The following EPN2 variants were observed in gnomAD, a reference collection of about 807,000 sequenced individuals.
EPN2 encodes the protein epsin-2.
A neutral mutation model predicts 61.7 loss-of-function variants in EPN2; 34 were observed. That is an observed-to-expected ratio of 0.55 (90% CI 0.42 to 0.73). The LOEUF (loss-of-function observed/expected upper bound fraction) is 0.73. Ranked by LOEUF, EPN2 falls within the 30% of genes least tolerant of loss-of-function variation. The pLI is 0.00. For synonymous variants in EPN2, 349 were observed against 353.6 expected, an observed-to-expected ratio of 0.99 and a Z score of 0.15; for missense variants, 714 against 839.2, an observed-to-expected ratio of 0.85 and a Z score of 1.84.
intron 1 of EPN2, among the ~76,000 whole-genome samples, chr17:19,261,989 A>C (rs2045146106): frequency 6.6e-6 from 1 of 152,144 alleles, no homozygotes; most frequent in Non-Finnish European, 1.5e-5. Flanking sequence ...GGAGTTCGAG[A>C]CCAGCCTGGC....
In EPN2 at chr17:19,331,985, C is replaced by T; in HGVS notation, c.1544C>T (p.Pro515Leu). Residue 515 changes from proline (P) to leucine (L), a missense_variant, in exon 10 of 11, where the codon CCC (proline) becomes CTC (leucine). Coordinates refer to ENST00000314728, the MANE Select transcript of EPN2 (RefSeq NM_014964.5). ...AAAACACCTGAGTCCTTCCTGGGCCCCAACGCGGCCCTGGTGAACCTGGAC... is the reference window on the plus strand; with the variant it reads ...AAAACACCTGAGTCCTTCCTGGGCCTCAACGCGGCCCTGGTGAACCTGGAC... ...ARKTPESFLG[P>L]NAALVNLDSL... 6.2e-7 allele frequency: 1 copy of T among 1,614,052 alleles called. No individual in the cohort carries two copies. The highest frequency in any genetic ancestry group is 2.2e-5 in the East Asian group (1 of 44,884).
chr17:19,294,045 G>A (rs2152222674), intron 4 of EPN2, among the ~76,000 whole-genome samples: 1 of 151,238 alleles, frequency 6.6e-6, no homozygotes, highest in African/African-American at 2.4e-5. Context: ...AGCTGAGATC[G>A]CACCACTGTA....
intron 4 of EPN2, among the ~76,000 whole-genome samples, chr17:19,300,137 C>G (rs934783047): frequency 1.3e-5 from 2 of 152,146 alleles, no homozygotes; most frequent in African/African-American, 2.4e-5. Flanking sequence ...AAATCTACCC[C>G]CAATGTCCGG....
At chr17:19,329,056 G>C in intron 8 of EPN2, 169 bp downstream of exon 8, 1 of 596,864 alleles carries the variant, frequency 1.7e-6, no homozygotes, top group East Asian at 2.9e-5. Flanking sequence ...CAGTGTGAGA[G>C]TGAGTGAGTG....
intron 1 of EPN2, among the ~76,000 whole-genome samples, chr17:19,251,508 A>G (rs890638647): frequency 2.6e-5 from 4 of 151,922 alleles, no homozygotes; most frequent in African/African-American, 9.7e-5. Flanking sequence ...ATCTCAGCTC[A>G]CTGCAACCTC....
chr17:19,267,624 C>T (rs2045213515), intron 1 of EPN2, among the ~76,000 whole-genome samples: 1 of 151,692 alleles, frequency 6.6e-6, no homozygotes, highest in Non-Finnish European at 1.5e-5. Flanking sequence ...CTCACTGCAA[C>T]CTCTGCCTCC....
intron 4 of EPN2, among the ~76,000 whole-genome samples, chr17:19,290,861 G>A (rs1331799836): frequency 1.3e-5 from 2 of 152,182 alleles, no homozygotes; most frequent in African/African-American, 4.8e-5. Flanking sequence ...GCCTGCAGCC[G>A]GGTCTTCTTG....
At chr17:19,264,466 A>G (rs1460468412) in intron 1 of EPN2, among the ~76,000 whole-genome samples, 5 of 152,116 alleles carry the variant, frequency 3.3e-5, no homozygotes, top group Admixed American at 6.5e-5. Flanking sequence ...GTGCAGCCTT[A>G]TTTCCTACAG....
chr17:19,329,125 G>A, intron 8 of EPN2: 2 of 494,932 alleles, frequency 4.0e-6, no homozygotes, highest in East Asian at 6.7e-5. Context: ...CTTCCACCTG[G>A]GTGTTGAGAG....
At chr17:19,248,218 C>T (rs1018689168) in intron 1 of EPN2, among the ~76,000 whole-genome samples, 2 of 152,140 alleles carry the variant, frequency 1.3e-5, no homozygotes, top group African/African-American at 4.8e-5. Flanking sequence ...TGGAGAGGAA[C>T]TGGCAGAAAT....
chr17:19,295,352 A>ACG (rs2045505273), intron 4 of EPN2, among the ~76,000 whole-genome samples: 1 of 59,968 alleles, frequency 1.7e-5, no homozygotes, highest in African/African-American at 3.7e-5. Flanking sequence ...ACACACACAC[A>ACG]CACACACACA....
intron 1 of EPN2, among the ~76,000 whole-genome samples, chr17:19,253,186 C>G (rs945132945): frequency 2.6e-5 from 4 of 152,110 alleles, no homozygotes; most frequent in African/African-American, 9.7e-5. Flanking sequence ...ATGGGGTTTG[C>G]CTATTCTGGA....
chr17:19,253,181 G>T (rs535777392), intron 1 of EPN2, among the ~76,000 whole-genome samples: 30 of 152,186 alleles, frequency 2.0e-4, no homozygotes, highest in Admixed American at 3.9e-4. Context: ...TCTCTATGGG[G>T]TTTGCCTATT....
chr17:19,317,853 C>T (rs1906461443), intron 7 of EPN2, among the ~76,000 whole-genome samples: 1 of 152,126 alleles, frequency 6.6e-6, no homozygotes, highest in Non-Finnish European at 1.5e-5. Context: ...GCAGGCGTTC[C>T]CTGAGGGTAC....
chr17:19,306,577 G>A (rs1316085967), intron 4 of EPN2, among the ~76,000 whole-genome samples: 2 of 152,216 alleles, frequency 1.3e-5, no homozygotes, highest in Admixed American at 1.3e-4. Context: ...TATGGTAGAC[G>A]TAAACATGTA....
chr17:19,333,452 A>G (rs1203784422), intron 10 of EPN2, among the ~76,000 whole-genome samples: 2 of 152,142 alleles, frequency 1.3e-5, no homozygotes, highest in Non-Finnish European at 2.9e-5. Flanking sequence ...TTCTGGTATG[A>G]GGTAAATTCT....
intron 4 of EPN2, among the ~76,000 whole-genome samples, chr17:19,289,416 G>A (rs1053005391): frequency 4.6e-5 from 7 of 152,028 alleles, no homozygotes; most frequent in East Asian, 1.9e-4. Context: ...TGACCTGACA[G>A]ACCTTGCTAG....
At chr17:19,250,846 A>T (rs1265431651) in intron 1 of EPN2, among the ~76,000 whole-genome samples, 2 of 135,048 alleles carry the variant, frequency 1.5e-5, no homozygotes, top group Non-Finnish European at 3.2e-5. Flanking sequence ...GCCCCCCTGC[A>T]CCTCCCCCCT....
At chr17:19,244,700 G>A (rs1013821402) in intron 1 of EPN2, among the ~76,000 whole-genome samples, 3 of 152,028 alleles carry the variant, frequency 2.0e-5, no homozygotes, top group Non-Finnish European at 2.9e-5. Context: ...TGTGAGCCCC[G>A]ATGGTTTTTG....
Sources: allele counts gnomAD v4.1 joint callset (sites outside exome capture counted in the v4.1 genomes callset), GRCh38; gene constraint gnomAD v4.1.1; transcripts MANE v1.5; gene names NCBI Gene and HGNC (gene_info 2026-07-23, HGNC 2026-07-21).